SPAG17: variants seen among roughly 807,000 people sequenced by gnomAD.
SPAG17 encodes sperm-associated antigen 17.
A neutral mutation model predicts 273.6 loss-of-function variants in SPAG17; 169 were observed. The ratio of observed to expected loss-of-function variants is 0.62; its 90% confidence interval spans 0.55 to 0.70. SPAG17 has a LOEUF of 0.70. Ranked by LOEUF, SPAG17 falls within the 30% of genes least tolerant of loss-of-function variation. The probability of loss-of-function intolerance (pLI) is 0.00; values close to 1 mark genes in which losing one functional copy is unlikely to be tolerated. For missense variants in SPAG17, 2,557 were observed against 2,627.8 expected (o/e 0.97, Z 0.59); for synonymous variants, 825 against 873.2 (o/e 0.94, Z 0.97).
Position 118,097,720 on chromosome 1 carries a change from T to A in SPAG17, c.961A>T (p.Met321Leu). 1.9e-6 allele frequency: 3 copies of A among 1,610,662 alleles called. No homozygotes were observed. Among genetic ancestry groups the A allele is most frequent in the Non-Finnish European group, 2.5e-6 (3 of 1,178,792 alleles). Residue 321 changes from methionine (M) to leucine (L), a missense_variant, in exon 7 of 49, where the codon ATG becomes TTG. By Grantham distance (15) the Met-to-Leu change is conservative. Coordinates refer to ENST00000336338, the MANE Select transcript of SPAG17 (RefSeq NM_206996.4). ...GAAGGAAAATCAGCTGCTTTGACCA[T>A]GTACTCAAGTCGAGCAACATCAAAG... The part of the protein sequence containing the change: ...NLFDVARLEY[M>L]VKAADFPSDW...
At chr1:118,171,699 C>A (rs1225856112) in intron 1 of SPAG17, among the ~76,000 whole-genome samples, 1 of 152,166 alleles carries the variant, frequency 6.6e-6, no homozygotes, top group African/African-American at 2.4e-5. Context: ...TTTCAATAGA[C>A]ATTTATTAAA....
At chr1:118,015,680 T>C (rs1035881123) in intron 29 of SPAG17, among the ~76,000 whole-genome samples, 1 of 152,156 alleles carries the variant, frequency 6.6e-6, no homozygotes, top group East Asian at 1.9e-4. Context: ...CATAGAGAAC[T>C]CATGAACTGC....
chr1:118,065,968 G>A (rs1168788180), intron 18 of SPAG17, among the ~76,000 whole-genome samples: 2 of 151,990 alleles, frequency 1.3e-5, no homozygotes, highest in African/African-American at 4.8e-5. Flanking sequence ...TATTGTTAAC[G>A]AAAAACAAAA....
chr1:117,990,529 G>A (rs1181224444), intron 38 of SPAG17, among the ~76,000 whole-genome samples: 5 of 152,180 alleles, frequency 3.3e-5, no homozygotes, highest in Non-Finnish European at 5.9e-5. Context: ...TGGGAGGGCA[G>A]GCTGTTGGTT....
chr1:118,068,941 C>T (rs947139877), intron 17 of SPAG17, among the ~76,000 whole-genome samples: 9 of 151,742 alleles, frequency 5.9e-5, no homozygotes, highest in Admixed American at 2.6e-4. Flanking sequence ...GAGGTGTGTC[C>T]GAAAAGATGA....
chr1:118,137,187 G>C (rs1658416589), intron 3 of SPAG17, among the ~76,000 whole-genome samples: 1 of 152,146 alleles, frequency 6.6e-6, no homozygotes, highest in Non-Finnish European at 1.5e-5. Context: ...TATGTGACAT[G>C]TTATTAGACT....
chr1:118,081,761 G>A, intron 13 of SPAG17, 119 bp from the exon 14 acceptor site: 3 of 782,644 alleles, frequency 3.8e-6, no homozygotes, highest in African/African-American at 1.7e-5. Flanking sequence ...ACGCCACAAT[G>A]GCTGTTGAGC....
chr1:118,031,832 T>C lies in SPAG17; in HGVS notation c.3469A>G (p.Ile1157Val), dbSNP rs1412178239. 1 of 1,609,650 alleles carries C rather than the reference T, an allele frequency of 6.2e-7. No homozygotes were observed. The highest frequency in any genetic ancestry group is 8.5e-7 in the Non-Finnish European group (1 of 1,177,702). The change falls in exon 25 of 49, where the codon ATC becomes GTC. Residue 1157 changes from isoleucine (I) to valine (V), a missense_variant. Transcript: ENST00000336338. Reference protein sequence around the residue: ...KDPDLETILNIPSALTPTVVP... With the variant: ...KDPDLETILNVPSALTPTVVP... ...ACTGTTGGAGTGAGTGCTGAAGGGATATTCAATATTGTTTCTAAATCAGGA... is the reference window on the plus strand; with the variant it reads ...ACTGTTGGAGTGAGTGCTGAAGGGACATTCAATATTGTTTCTAAATCAGGA...
chr1:118,091,574 CA>C, intron 10 of SPAG17, 31 bp downstream of exon 10: 4 of 1,235,442 alleles, frequency 3.2e-6, no homozygotes, highest in Non-Finnish European at 2.4e-6. Flanking sequence ...ACGACTTACT[CA>C]AGTATACAAC....
rs371570664 is a variant in SPAG17, at chr1:117,963,900, CTT to C, written c.6569_6570del (p.Lys2190ArgfsTer29). ...LTSSNYDKRP[K>X]DFPQGKENPM... Reference sequence around the variant, plus strand: ...GGATTTTCTTTTCCCTGGGGAAAGTCTTTTGGTCGTTTATCATAATTGCTGCT... The same window carrying C: ...GGATTTTCTTTTCCCTGGGGAAAGTCTTGGTCGTTTATCATAATTGCTGCT... On this transcript the variant is annotated frameshift_variant, in exon 48 of 49. Transcript: ENST00000336338. LOFTEE classifies it high-confidence loss of function. 6.1e-5 allele frequency: 98 copies of C among 1,613,882 alleles called. No individual in the cohort carries two copies. The African/African-American group carries it at 1.1e-3, about 19-fold the overall frequency.
intron 3 of SPAG17, among the ~76,000 whole-genome samples, chr1:118,127,008 A>T (rs1282415502): frequency 6.6e-6 from 1 of 151,992 alleles, no homozygotes; most frequent in Non-Finnish European, 1.5e-5. Flanking sequence ...CTATGGATTT[A>T]TTTCTGGGTT....
At chr1:118,096,084 T>C (rs1655685105) in intron 7 of SPAG17, among the ~76,000 whole-genome samples, 1 of 152,180 alleles carries the variant, frequency 6.6e-6, no homozygotes, top group Admixed American at 6.5e-5. Flanking sequence ...GTGTGGTGTT[T>C]CTACATAGTG....
At chr1:118,140,389 A>G (rs1280731920) in intron 3 of SPAG17, among the ~76,000 whole-genome samples, 1 of 152,210 alleles carries the variant, frequency 6.6e-6, no homozygotes, top group Non-Finnish European at 1.5e-5. Flanking sequence ...GAGGTAATGG[A>G]TATGTTAACT....
chr1:118,024,001 GTT>G (rs1647419257), intron 27 of SPAG17, among the ~76,000 whole-genome samples: 1 of 152,048 alleles, frequency 6.6e-6, no homozygotes, highest in Non-Finnish European at 1.5e-5. Flanking sequence ...TGTCTATCTG[GTT>G]TTTATTCTTG....
chr1:117,994,346 C>T, intron 35 of SPAG17, 60 bp downstream of exon 35: 1 of 1,524,492 alleles, frequency 6.6e-7, no homozygotes, highest in Non-Finnish European at 8.8e-7. Flanking sequence ...AGACTCTGGT[C>T]CATTGCCCTT....
At chr1:118,131,304 T>C (rs2102297887) in intron 3 of SPAG17, among the ~76,000 whole-genome samples, 1 of 152,348 alleles carries the variant, frequency 6.6e-6, no homozygotes, top group Non-Finnish European at 1.5e-5. Flanking sequence ...GCTTTTGCAG[T>C]TTCCCCTGCT....
At chr1:118,123,504 T>C (rs1657535109) in intron 3 of SPAG17, among the ~76,000 whole-genome samples, 1 of 152,154 alleles carries the variant, frequency 6.6e-6, no homozygotes, top group Admixed American at 6.5e-5. Context: ...AGATATAGGT[T>C]CCATATAGAT....
At chr1:118,098,610 A>G (rs991434869) in intron 6 of SPAG17, among the ~76,000 whole-genome samples, 2 of 152,138 alleles carry the variant, frequency 1.3e-5, no homozygotes, top group African/African-American at 4.8e-5. Flanking sequence ...ATCCTTTGAG[A>G]TCATCAGGAA....
At chr1:118,131,270 C>G (rs1658038383) in intron 3 of SPAG17, among the ~76,000 whole-genome samples, 2 of 152,180 alleles carry the variant, frequency 1.3e-5, no homozygotes, top group African/African-American at 4.8e-5. Flanking sequence ...TCTTGATGTT[C>G]ACCAAATGTG....
Sources: allele counts gnomAD v4.1 joint callset (sites outside exome capture counted in the v4.1 genomes callset), GRCh38; gene constraint gnomAD v4.1.1; transcripts MANE v1.5; gene names NCBI Gene and HGNC (gene_info 2026-07-23, HGNC 2026-07-21).